SYT2: variants seen among roughly 807,000 people sequenced by gnomAD.
SYT2 encodes the protein synaptotagmin-2.
SYT2 carries 15 observed loss-of-function variants against 39.9 expected under a neutral mutation model. The observed-to-expected ratio is 0.38, with a 90% CI of 0.25 to 0.58. The LOEUF (loss-of-function observed/expected upper bound fraction) is 0.58, where lower values mean the gene tolerates loss of function less well. Ranked by LOEUF, SYT2 falls within the 20% of genes least tolerant of loss-of-function variation. The pLI is 0.70. For synonymous variants in SYT2, 181 were observed against 204.5 expected (o/e 0.89, Z 0.98); for missense variants, 389 against 530.3 (o/e 0.73, Z 2.62).
At chr1:202,694,807 T>C (rs1482283793) in intron 1 of SYT2, among the ~76,000 whole-genome samples, 1 of 151,478 alleles carries the variant, frequency 6.6e-6, no homozygotes, top group African/African-American at 2.4e-5. Context: ...CCTCCTTCTC[T>C]CCCCTCCGAC....
intron 1 of SYT2, among the ~76,000 whole-genome samples, chr1:202,634,504 A>G (rs1010514690): frequency 9.2e-5 from 14 of 152,346 alleles, no homozygotes; most frequent in African/African-American, 3.4e-4. Flanking sequence ...AAAAAAAAAA[A>G]AAGTATACCA....
chr1:202,612,088 G>A (rs772409099), intron 1 of SYT2, among the ~76,000 whole-genome samples: 2 of 152,160 alleles, frequency 1.3e-5, no homozygotes, highest in Non-Finnish European at 2.9e-5. Context: ...GCGTAAGGAA[G>A]GGGTTCACAT....
intron 1 of SYT2, among the ~76,000 whole-genome samples, chr1:202,660,019 A>G (rs1692349019): frequency 6.6e-6 from 1 of 152,190 alleles, no homozygotes; most frequent in South Asian, 2.1e-4. Context: ...TCTCTGCCCA[A>G]GAATCTCTGT....
In SYT2 at chr1:202,661,781, C is replaced by T. The variant is rs577535968; in HGVS notation, c.-18+48477G>A. Among the ~76,000 whole-genome samples the T allele has an allele frequency of 1.9e-3, 284 of 152,348 alleles. 1 individual carries two copies. The highest frequency in any genetic ancestry group is 2.6e-3 in the Non-Finnish European group (176 of 68,026). On this transcript the variant is annotated intron_variant, in intron 1 of 8. Coordinates refer to ENST00000367268, the MANE Select transcript of SYT2 (RefSeq NM_177402.5). The stretch of plus-strand genomic sequence containing the variant: ...TTTCGAAATTCATTGGATCCAATCC[C>T]CACATTTTGTTAGTGGGGTAACTGA...
intron 1 of SYT2, among the ~76,000 whole-genome samples, chr1:202,686,746 A>G (rs1305015273): frequency 6.6e-6 from 1 of 151,554 alleles, no homozygotes; most frequent in Non-Finnish European, 1.5e-5. Context: ...CTTCCAAATC[A>G]TTTTTCATAC....
In SYT2 at chr1:202,654,247, C is replaced by T. The variant is rs535854981; in HGVS notation, c.-17-48458G>A. On this transcript the variant is annotated intron_variant, in intron 1 of 8. Coordinates refer to ENST00000367268, the MANE Select transcript of SYT2 (RefSeq NM_177402.5). ...TAAATGGATGAGCTAATTAACTTAA[C>T]TAATTGCTCCTGAGGACTAATATTT... Among the ~76,000 whole-genome samples the T allele has an allele frequency of 2.6e-5, 4 of 152,330 alleles. No homozygotes were observed. In the South Asian group the frequency reaches 6.2e-4, roughly 24 times the overall value.
chr1:202,640,788 G>GAC (rs1558443982), intron 1 of SYT2, among the ~76,000 whole-genome samples: 28 of 124,854 alleles, frequency 2.2e-4, no homozygotes, highest in East Asian at 4.7e-4. Flanking sequence ...GAGAGAGAGA[G>GAC]AGAGACAGAC....
rs1877487 is a variant in SYT2, at chr1:202,601,231, C to T, written c.801+659G>A. 0.095 allele frequency among the ~76,000 whole-genome samples: 14,512 copies of T among 152,214 alleles called. 1,085 individuals are homozygous for T. The highest frequency in any genetic ancestry group is 0.35 in the East Asian group (1,801 of 5,152). On this transcript the variant is annotated intron_variant, in intron 6 of 8. Transcript: ENST00000367268. The surrounding 1 kb of genome is among the most constrained non-coding windows in gnomAD (Gnocchi z 4.0). Reference sequence around the variant, plus strand: ...TCAAAGCCACCCAGGGCAAGACTGACGACATCACACAGGTCCTGGTTCAGG... The same window carrying T: ...TCAAAGCCACCCAGGGCAAGACTGATGACATCACACAGGTCCTGGTTCAGG...
At chr1:202,625,459 G>A (rs780666067) in intron 1 of SYT2, among the ~76,000 whole-genome samples, 32 of 125,006 alleles carry the variant, frequency 2.6e-4, no homozygotes, top group Non-Finnish European at 5.4e-4. Context: ...GCCAGTGTGC[G>A]GGGAGGGGGA....
Position 202,604,446 on chromosome 1 carries a change from G to T in SYT2, c.345+9C>A. ...CCTTCCAGTCCCCCTCACAACCAAT[G>T]TGCCCTACCTGACCCCCTTTCATGT... is the stretch of plus-strand genomic sequence containing the variant. On this transcript the variant is annotated intron_variant, in intron 3 of 8. Transcript: ENST00000367268. 6.2e-7 allele frequency: 1 copy of T among 1,613,562 alleles called. No individual in the cohort carries two copies. Among genetic ancestry groups the T allele is most frequent in the South Asian group, 1.1e-5 (1 of 91,000 alleles).
At chr1:202,636,807 TGCC>T (rs1320514719) in intron 1 of SYT2, among the ~76,000 whole-genome samples, 1 of 152,246 alleles carries the variant, frequency 6.6e-6, no homozygotes, top group African/African-American at 2.4e-5. Context: ...TAAATCCTCA[TGCC>T]AACCTGATGG....
intron 1 of SYT2, chr1:202,643,358 C>G (rs1412694683): frequency 6.5e-6 from 1 of 152,770 alleles, no homozygotes; most frequent in Non-Finnish European, 1.5e-5. Context: ...GCTGGGGTCC[C>G]GAAGTCCAGG....
At chr1:202,613,111 C>T (rs180745128) in intron 1 of SYT2, among the ~76,000 whole-genome samples, 57 of 137,800 alleles carry the variant, frequency 4.1e-4, no homozygotes, top group African/African-American at 9.3e-4. Context: ...GACAGAGTCT[C>T]GCTCTGTCGC....
chr1:202,683,550 G>A (rs1653579187), intron 1 of SYT2, among the ~76,000 whole-genome samples: 1 of 151,994 alleles, frequency 6.6e-6, no homozygotes, highest in Non-Finnish European at 1.5e-5. Flanking sequence ...ACTAGCCTGG[G>A]CAATATAGCA....
intron 1 of SYT2, among the ~76,000 whole-genome samples, chr1:202,682,493 T>C (rs540801242): frequency 1.3e-4 from 20 of 152,038 alleles, no homozygotes; most frequent in African/African-American, 4.6e-4. Context: ...TGGTCTAAGT[T>C]AGGAAAGCTT....
At chr1:202,694,168 C>T in intron 1 of SYT2, among the ~76,000 whole-genome samples, 1 of 152,080 alleles carries the variant, frequency 6.6e-6, no homozygotes, top group Non-Finnish European at 1.5e-5. Context: ...GATGAACATC[C>T]AAGCCATATC....
intron 1 of SYT2, among the ~76,000 whole-genome samples, chr1:202,671,622 CT>C (rs1413258392): frequency 3.3e-5 from 5 of 152,214 alleles, no homozygotes; most frequent in Non-Finnish European, 5.9e-5. Flanking sequence ...TTTTGGCAGC[CT>C]CCCAGGCCTA....
At chr1:202,651,767 A>G (rs757787065) in intron 1 of SYT2, among the ~76,000 whole-genome samples, 1 of 152,252 alleles carries the variant, frequency 6.6e-6, no homozygotes, top group Non-Finnish European at 1.5e-5. Flanking sequence ...ATGTTTAAAT[A>G]AGTCACACAG....
chr1:202,672,814 G>C (rs1692620079), intron 1 of SYT2, among the ~76,000 whole-genome samples: 1 of 135,164 alleles, frequency 7.4e-6, no homozygotes, highest in South Asian at 2.7e-4. Flanking sequence ...CACTTGAGGA[G>C]AGAAAGGCAG....
Sources: allele counts gnomAD v4.1 joint callset (sites outside exome capture counted in the v4.1 genomes callset), GRCh38; gene constraint gnomAD v4.1.1; non-coding constraint Gnocchi (gnomAD v3.1); transcripts MANE v1.5; gene names NCBI Gene and HGNC (gene_info 2026-07-23, HGNC 2026-07-21).